MSRA: variants seen among roughly 807,000 people sequenced by gnomAD.
The protein encoded by MSRA is mitochondrial peptide methionine sulfoxide reductase.
Under a neutral mutation model 31.3 loss-of-function variants are expected in MSRA, and 54 were observed. The ratio of observed to expected loss-of-function variants is 1.73; its 90% CI spans 1.39 to 2.17. The LOEUF is 2.17. MSRA is among the 30% of genes most tolerant of loss of function. The probability of loss-of-function intolerance (pLI) is 0.00; values close to 1 mark genes in which losing one functional copy is unlikely to be tolerated. For missense variants in MSRA, 507 were observed against 300.9 expected (o/e 1.69, Z -5.07); for synonymous variants, 169 against 116.5 (o/e 1.45, Z -2.90).
chr8:10,269,115 A>T (rs969116883), intron 3 of MSRA, among the ~76,000 whole-genome samples: 3 of 152,228 alleles, frequency 2.0e-5, no homozygotes, highest in Non-Finnish European at 4.4e-5. Context: ...GCCAATGTCG[A>T]TGGATTGTTA....
At chr8:10,080,426 G>A (rs1563409575) in intron 1 of MSRA, among the ~76,000 whole-genome samples, 1 of 151,806 alleles carries the variant, frequency 6.6e-6, no homozygotes, top group Non-Finnish European at 1.5e-5. Context: ...GAACCGTGCT[G>A]TGGTTTCCTC....
intron 1 of MSRA, among the ~76,000 whole-genome samples, chr8:10,075,202 C>G (rs1482783782): frequency 3.9e-5 from 6 of 152,126 alleles, no homozygotes; most frequent in Non-Finnish European, 8.8e-5. Context: ...TTATGTGGAT[C>G]CCTCCCACAC....
chr8:10,396,730 G>T (rs1042643566), intron 5 of MSRA, among the ~76,000 whole-genome samples: 5 of 152,182 alleles, frequency 3.3e-5, no homozygotes, highest in African/African-American at 1.2e-4. Context: ...TTCTGTTTCT[G>T]TTTTTCCTCC....
chr8:10,098,885 G>C (rs1019579410), intron 1 of MSRA, among the ~76,000 whole-genome samples: 4 of 152,200 alleles, frequency 2.6e-5, no homozygotes, highest in Admixed American at 6.5e-5. Flanking sequence ...TTGAACCTTC[G>C]AAGACGTGGC....
intron 3 of MSRA, among the ~76,000 whole-genome samples, chr8:10,270,978 T>G (rs550170344): frequency 6.6e-6 from 1 of 152,260 alleles, no homozygotes; most frequent in Non-Finnish European, 1.5e-5. Context: ...GGAAGAGGGC[T>G]TTATTTTATT....
chr8:10,159,189 T>C (rs890791104), intron 1 of MSRA, among the ~76,000 whole-genome samples: 5 of 152,138 alleles, frequency 3.3e-5, no homozygotes, highest in African/African-American at 1.2e-4. Context: ...TAAGAATTTG[T>C]GATTGGTCAG....
intron 3 of MSRA, among the ~76,000 whole-genome samples, chr8:10,256,798 C>A (rs967188810): frequency 1.3e-5 from 2 of 152,100 alleles, no homozygotes; most frequent in Non-Finnish European, 2.9e-5. Flanking sequence ...TAGTCTCTGA[C>A]CCCCTGAGTT....
chr8:10,139,566 A>C (rs1024929996), intron 1 of MSRA, among the ~76,000 whole-genome samples: 1 of 152,054 alleles, frequency 6.6e-6, no homozygotes, highest in Non-Finnish European at 1.5e-5. Context: ...TACACTCTCT[A>C]TGTCCATGTA....
At chr8:10,064,370 T>A (rs1185883936) in intron 1 of MSRA, among the ~76,000 whole-genome samples, 2 of 152,302 alleles carry the variant, frequency 1.3e-5, no homozygotes, top group Admixed American at 6.5e-5. Context: ...TTTTTTTTTT[T>A]TAAAGGCATG....
chr8:10,362,902 C>A (rs11249992), intron 5 of MSRA, among the ~76,000 whole-genome samples: 45,727 of 151,904 alleles, frequency 0.3, 7,837 homozygotes, highest in Non-Finnish European at 0.39. Flanking sequence ...CCCTGCCTCC[C>A]TCCCTAATAC....
chr8:10,215,827 C>G (rs1017855536), intron 2 of MSRA, among the ~76,000 whole-genome samples: 1 of 152,196 alleles, frequency 6.6e-6, no homozygotes, highest in African/African-American at 2.4e-5. Flanking sequence ...ACAGCAACCA[C>G]CCACTTGACT....
chr8:10,418,006 G>T (rs540908738), intron 5 of MSRA, among the ~76,000 whole-genome samples: 2 of 152,212 alleles, frequency 1.3e-5, no homozygotes, highest in South Asian at 2.1e-4. Flanking sequence ...CTGGCTCCCG[G>T]ACAGCAGCTT....
intron 5 of MSRA, among the ~76,000 whole-genome samples, chr8:10,404,535 C>T (rs899594463): frequency 2.6e-4 from 39 of 152,352 alleles, no homozygotes; most frequent in Admixed American, 2.0e-3. Flanking sequence ...CCATCCCGGG[C>T]GGCCGCTCCC....
chr8:10,351,402 C>A (rs889328182), intron 5 of MSRA, among the ~76,000 whole-genome samples: 1 of 151,880 alleles, frequency 6.6e-6, no homozygotes, highest in African/African-American at 2.4e-5. Context: ...CACAGGCATG[C>A]GCCACCACGC....
intron 1 of MSRA, among the ~76,000 whole-genome samples, chr8:10,138,275 C>G (rs1009200379): frequency 2.6e-5 from 4 of 152,084 alleles, no homozygotes; most frequent in African/African-American, 9.7e-5. Context: ...AATAAAGGTG[C>G]TATCTAAAGA....
intron 3 of MSRA, among the ~76,000 whole-genome samples, chr8:10,280,592 C>G (rs1799569800): frequency 6.6e-6 from 1 of 152,184 alleles, no homozygotes; most frequent in African/African-American, 2.4e-5. Context: ...CGTGTAGTCA[C>G]TTTGGAAACC....
At chr8:10,345,807 G>A (rs1803733676) in intron 5 of MSRA, among the ~76,000 whole-genome samples, 1 of 152,186 alleles carries the variant, frequency 6.6e-6, no homozygotes, top group Non-Finnish European at 1.5e-5. Context: ...GGCACTAGGA[G>A]GAGACTAAAA....
At chr8:10,306,365 G>A (rs992305026) in intron 4 of MSRA, among the ~76,000 whole-genome samples, 1 of 152,052 alleles carries the variant, frequency 6.6e-6, no homozygotes, top group Non-Finnish European at 1.5e-5. Context: ...TTGTTGTTAC[G>A]TCTTTTTCAA....
At chr8:10,303,279 G>C (rs747773392) in intron 4 of MSRA, among the ~76,000 whole-genome samples, 1 of 152,200 alleles carries the variant, frequency 6.6e-6, no homozygotes, top group Non-Finnish European at 1.5e-5. Flanking sequence ...CAAGTCTGTC[G>C]TCAACTTCTC....
Sources: gnomAD v4.1 joint callset for allele counts (sites outside exome capture counted in the v4.1 genomes callset) on GRCh38, gnomAD v4.1.1 for gene constraint, MANE v1.5 for transcripts, NCBI Gene and HGNC (gene_info 2026-07-23, HGNC 2026-07-21) for gene names.